The following NT5C1A variants were observed in gnomAD, a reference collection of about 807,000 sequenced individuals.
NT5C1A encodes the protein cytosolic 5'-nucleotidase 1A.
NT5C1A carries 18 observed loss-of-function variants against 31.0 expected under a neutral mutation model. That is an observed-to-expected ratio of 0.58 (90% CI 0.40 to 0.86). The LOEUF (loss-of-function observed/expected upper bound fraction) is 0.86. Among genes scored for constraint, NT5C1A ranks in the 40% least tolerant of loss-of-function variants. The pLI, the probability that NT5C1A is intolerant of heterozygous loss-of-function variation, is 0.00. For missense variants in NT5C1A, 470 were observed against 505.4 expected (o/e 0.93, Z 0.67); for synonymous variants, 185 against 203.6 (o/e 0.91, Z 0.78).
chr1:39,665,817 C>A (rs987899003), intron 2 of NT5C1A, among the ~76,000 whole-genome samples, 167 bp from the exon 3 acceptor site: 1 of 152,184 alleles, frequency 6.6e-6, no homozygotes, highest in Non-Finnish European at 1.5e-5. Flanking sequence ...GGGTACCTCG[C>A]TAGAGAGAGT....
intron 3 of NT5C1A, among the ~76,000 whole-genome samples, chr1:39,663,996 T>C (rs2124156062): frequency 6.6e-6 from 1 of 152,286 alleles, no homozygotes; most frequent in South Asian, 2.1e-4. Context: ...CTGTCCTGAT[T>C]ACGCAGTGTG....
intron 1 of NT5C1A, among the ~76,000 whole-genome samples, chr1:39,668,282 A>G (rs1646533610): frequency 6.6e-6 from 1 of 152,166 alleles, no homozygotes; most frequent in South Asian, 2.1e-4. Context: ...AAGGACAGAG[A>G]GTCAGCTGCC....
At position 39,665,648 on chromosome 1, in the gene NT5C1A, A is replaced by G; in HGVS notation, c.306T>C (p.Ala102=). Residue 102 remains alanine (A), a splice_region_variant and synonymous_variant, in exon 3 of 6, where the codon GCT becomes GCC. Coordinates refer to ENST00000235628, the MANE Select transcript of NT5C1A (RefSeq NM_032526.3). Reference sequence around the variant, plus strand: ...GCAGCCGCCTGTTCACGGCCTCCAGAGCCTGGAAAGGAGAGGGCACCCCCC... The same window carrying G: ...GCAGCCGCCTGTTCACGGCCTCCAGGGCCTGGAAAGGAGAGGGCACCCCCC... ...SPGPAFPFVK[A]LEAVNRRLRE... 6.2e-7 allele frequency: 1 copy of G among 1,613,024 alleles called. No individual in the cohort carries two copies. The highest frequency in any genetic ancestry group is 2.2e-5 in the East Asian group (1 of 44,876).
intron 1 of NT5C1A, among the ~76,000 whole-genome samples, chr1:39,670,360 T>G (rs1403274734): frequency 1.3e-5 from 2 of 152,216 alleles, no homozygotes; most frequent in Non-Finnish European, 2.9e-5. Context: ...CAAGACGCTC[T>G]TTGATGGAAC....
At position 39,665,617 on chromosome 1, in the gene NT5C1A, G is replaced by T. The variant is rs1473672597; in HGVS notation, c.337C>A (p.Leu113Met). 1 of 1,613,142 alleles carries T rather than the reference G, an allele frequency of 6.2e-7. No individual in the cohort carries two copies. Among genetic ancestry groups the T allele is most frequent in the African/African-American group, 1.3e-5 (1 of 74,916 alleles). The change falls in exon 3 of 6, where the codon CTG (leucine) becomes ATG (methionine). Residue 113 changes from leucine to methionine, a missense_variant. Physicochemically the swap from Leu to Met is conservative, Grantham distance 15 (BLOSUM62 2). Coordinates refer to ENST00000235628, the MANE Select transcript of NT5C1A (RefSeq NM_032526.3). ...LEAVNRRLRELYPDSEDVFDI... is the reference protein window; with the variant it reads ...LEAVNRRLREMYPDSEDVFDI... The stretch of plus-strand genomic sequence containing the variant: ...AAGACGTCCTCACTATCAGGGTACA[G>T]CTCCCGCAGCCGCCTGTTCACGGCC...
rs1646453337 is a variant in NT5C1A at position 39,655,163 on chromosome 1, A to G, written c.*3958T>C. On this transcript the variant is annotated 3_prime_UTR_variant, in exon 6 of 6. Transcript: ENST00000235628. ...CATCATGTTGGGCAGGATGGTCTCGATCTCCTGACCTTGTGATCCACCCGC... is the reference window on the plus strand; with the variant it reads ...CATCATGTTGGGCAGGATGGTCTCGGTCTCCTGACCTTGTGATCCACCCGC... Among the ~76,000 whole-genome samples, 6 of 152,146 alleles carry G rather than the reference A, an allele frequency of 3.9e-5. No homozygotes were observed.
chr1:39,661,289 C>A, intron 4 of NT5C1A, 26 bp from the exon 5 acceptor site: 1 of 1,416,742 alleles, frequency 7.1e-7, no homozygotes, highest in Non-Finnish European at 9.9e-7. Context: ...CAAGCATTGT[C>A]TGCCTTCAGG....
At chr1:39,671,874 G>A (rs1440779406) in intron 1 of NT5C1A, 30 bp downstream of exon 1, 1 of 1,610,998 alleles carries the variant, frequency 6.2e-7, no homozygotes, top group Non-Finnish European at 8.5e-7. Flanking sequence ...CCCTTCCCCC[G>A]TCCCCCGCAT....
At position 39,661,117 on chromosome 1, in the gene NT5C1A, C is replaced by T. The variant is rs750228706; in HGVS notation, c.703G>A (p.Glu235Lys). ...TTGTTCTCGTGGGCCTTCTCATGCT[C>T]GAAGAATCGGTCCAGCCCGTGGGCC... is the stretch of plus-strand genomic sequence containing the variant. ...VKAHGLDRFF[E>K]HEKAHENKPL... Residue 235 changes from glutamate to lysine, a missense_variant, in exon 5 of 6, where the codon GAG (glutamate) becomes AAG (lysine). Glu to Lys is a moderately conservative substitution (Grantham distance 56, BLOSUM62 1). Coordinates refer to ENST00000235628, the MANE Select transcript of NT5C1A (RefSeq NM_032526.3). The T allele has an allele frequency of 1.8e-5, 29 of 1,591,078 alleles. No homozygotes were observed. Among genetic ancestry groups the T allele is most frequent in the South Asian group, 3.3e-5 (3 of 90,036 alleles).
Position 39,652,924 on chromosome 1 carries a change from C to G in NT5C1A, c.*6197G>C, listed in dbSNP as rs1012884308. Reference sequence around the variant, plus strand: ...GGTAGTGGGGAGGGAAGGCAACTTTCGTAGCCATGGCCATGAGATGACCAG... The same window carrying G: ...GGTAGTGGGGAGGGAAGGCAACTTTGGTAGCCATGGCCATGAGATGACCAG... On this transcript the variant is annotated 3_prime_UTR_variant, in exon 6 of 6. Transcript: ENST00000235628. Among the ~76,000 whole-genome samples the G allele has an allele frequency of 1.3e-5, 2 of 151,942 alleles. No homozygotes were observed. The highest frequency in any genetic ancestry group is 6.6e-5 in the Admixed American group (1 of 15,262).
intron 1 of NT5C1A, among the ~76,000 whole-genome samples, chr1:39,670,971 C>G (rs1170795907): frequency 6.6e-6 from 1 of 152,168 alleles, no homozygotes; most frequent in East Asian, 1.9e-4. Context: ...AATCCCCACT[C>G]TTGAGCAGAG....
At chr1:39,670,860 C>T (rs1161517731) in intron 1 of NT5C1A, among the ~76,000 whole-genome samples, 1 of 120,752 alleles carries the variant, frequency 8.3e-6, no homozygotes, top group African/African-American at 3.0e-5. Context: ...TGTGATGTCA[C>T]TACTCTACTC....
Position 39,662,727 on chromosome 1 carries a change from G to A in NT5C1A, c.556+585C>T, listed in dbSNP as rs537727373. ...GTTTATCTCATGTGCAATAGGATAC[G>A]CACCTCGTTGGGAGGACTGAGACTA... On this transcript the variant is annotated intron_variant, in intron 4 of 5. Transcript: ENST00000235628. 3.9e-5 allele frequency among the ~76,000 whole-genome samples: 6 copies of A among 152,262 alleles called. No individual in the cohort carries two copies. In the East Asian group the frequency reaches 5.8e-4, roughly 15 times the overall value.
At position 39,659,391 on chromosome 1, in the gene NT5C1A, C is replaced by G; in HGVS notation, c.837G>C (p.Leu279Phe). The G allele has an allele frequency of 6.2e-7, 1 of 1,613,690 alleles. No homozygotes were observed. Among genetic ancestry groups the G allele is most frequent in the East Asian group, 2.2e-5 (1 of 44,882 alleles). Residue 279 changes from leucine to phenylalanine, a missense_variant, in exon 6 of 6, where the codon TTG becomes TTC. By Grantham distance (22) the Leu-to-Phe change is conservative. Coordinates refer to ENST00000235628, the MANE Select transcript of NT5C1A (RefSeq NM_032526.3). Reference protein sequence around the residue: ...LRLECPIRTYLVTARSAASSG... With the variant: ...LRLECPIRTYFVTARSAASSG... ...AACTGGCTGCACTGCGTGCTGTCAC[C>G]AAGTAGGTACGAATTGGGCACTCCA... is the stretch of plus-strand genomic sequence containing the variant.
At chr1:39,668,375 C>T (rs2124164119) in intron 1 of NT5C1A, among the ~76,000 whole-genome samples, 1 of 152,330 alleles carries the variant, frequency 6.6e-6, no homozygotes, top group East Asian at 1.9e-4. Flanking sequence ...ACTTTCTGTC[C>T]CACAGTCCCT....
intron 1 of NT5C1A, among the ~76,000 whole-genome samples, chr1:39,669,941 G>A (rs1257295531): frequency 6.6e-6 from 1 of 152,044 alleles, no homozygotes; most frequent in Non-Finnish European, 1.5e-5. Context: ...CTCCATAATG[G>A]TATTCATATG....
chr1:39,653,242 G>A lies in NT5C1A; in HGVS notation c.*5879C>T, dbSNP rs540381670. Among the ~76,000 whole-genome samples the A allele has an allele frequency of 5.9e-5, 9 of 152,076 alleles. No individual in the cohort carries two copies. Among genetic ancestry groups the A allele is most frequent in the Non-Finnish European group, 1.0e-4 (7 of 67,984 alleles). On this transcript the variant is annotated 3_prime_UTR_variant, in exon 6 of 6. Coordinates refer to ENST00000235628, the MANE Select transcript of NT5C1A (RefSeq NM_032526.3). The stretch of plus-strand genomic sequence containing the variant: ...TGGCCAGAGGTTGGGGGCTGGTCTC[G>A]GTGGCCCCCAAGCTGCACATACGCA...
At chr1:39,662,872 G>T (rs1250496280) in intron 4 of NT5C1A, among the ~76,000 whole-genome samples, 1 of 152,210 alleles carries the variant, frequency 6.6e-6, no homozygotes, top group African/African-American at 2.4e-5. Context: ...TGCTGGAGAT[G>T]CTGGCCATTC....
chr1:39,651,828 G>A lies in NT5C1A; in HGVS notation c.*7293C>T, dbSNP rs1289162977. Among the ~76,000 whole-genome samples, 2 of 151,690 alleles carry A rather than the reference G, an allele frequency of 1.3e-5. No homozygotes were observed. Among genetic ancestry groups the A allele is most frequent in the African/African-American group, 2.4e-5 (1 of 41,306 alleles). On this transcript the variant is annotated 3_prime_UTR_variant, in exon 6 of 6. Transcript: ENST00000235628. ...GTGGATCACCTGAGGTCAGGAGTTCGAGACCAGCCTGGCCAATATGGTGAA... is the reference window on the plus strand; with the variant it reads ...GTGGATCACCTGAGGTCAGGAGTTCAAGACCAGCCTGGCCAATATGGTGAA...
Sources: allele counts gnomAD v4.1 joint callset (sites outside exome capture counted in the v4.1 genomes callset), GRCh38; gene constraint gnomAD v4.1.1; transcripts MANE v1.5; gene names NCBI Gene and HGNC (gene_info 2026-07-23, HGNC 2026-07-21).